KLF13: variants seen among roughly 807,000 people sequenced by gnomAD.
KLF13 encodes KLF transcription factor 13.
Under a neutral mutation model 16.7 loss-of-function variants are expected in KLF13, and 8 were observed. The observed-to-expected ratio is 0.48, with a 90% CI of 0.28 to 0.87. The LOEUF (loss-of-function observed/expected upper bound fraction) is 0.87, where lower values mean the gene tolerates loss of function less well. KLF13 is among the 40% of genes least tolerant of loss of function. The pLI is 0.10. For missense variants in KLF13, 447 were observed against 452.2 expected (o/e 0.99, Z 0.10); for synonymous variants, 245 against 208.4 (o/e 1.18, Z -1.51).
intron 1 of KLF13, among the ~76,000 whole-genome samples, chr15:31,409,875 A>G (rs548290877): frequency 6.6e-5 from 10 of 152,358 alleles, no homozygotes; most frequent in African/African-American, 2.4e-4. Flanking sequence ...AAGAAATGTT[A>G]AAGGAATTTC....
chr15:31,416,059 A>G (rs940473248), intron 1 of KLF13, among the ~76,000 whole-genome samples: 3 of 152,152 alleles, frequency 2.0e-5, no homozygotes, highest in Non-Finnish European at 4.4e-5. Context: ...CCAACAAGTT[A>G]CGTAACAACA....
chr15:31,360,657 C>G (rs2039368698), intron 1 of KLF13, among the ~76,000 whole-genome samples: 1 of 152,056 alleles, frequency 6.6e-6, no homozygotes, highest in Admixed American at 6.5e-5. Context: ...AGCAGAAGCC[C>G]CGGCACTGTT....
chr15:31,368,022 C>T (rs1379016882), intron 1 of KLF13, among the ~76,000 whole-genome samples: 1 of 151,808 alleles, frequency 6.6e-6, no homozygotes, highest in Non-Finnish European at 1.5e-5. Flanking sequence ...CTTTCTCCCC[C>T]TTCTCACTTG....
intron 1 of KLF13, among the ~76,000 whole-genome samples, chr15:31,413,195 AAAAAAAAC>A (rs1358191752): frequency 2.2e-5 from 3 of 137,382 alleles, no homozygotes; most frequent in East Asian, 4.6e-4. Flanking sequence ...GACAAAAAAA[AAAAAAAAC>A]AAAAAACAAA....
intron 1 of KLF13, among the ~76,000 whole-genome samples, chr15:31,415,584 G>A (rs1263481795): frequency 6.6e-6 from 1 of 152,132 alleles, no homozygotes; most frequent in Non-Finnish European, 1.5e-5. Context: ...AAAATAGATT[G>A]ATGTGAGTGA....
chr15:31,403,404 A>G (rs2040069474), intron 2 of KLF13: 1 of 152,212 alleles, frequency 6.6e-6, no homozygotes, highest in Admixed American at 6.5e-5. Flanking sequence ...TCCCATCTTT[A>G]ATAATGAAAC....
intron 1 of KLF13, among the ~76,000 whole-genome samples, chr15:31,364,690 C>T (rs1457435386): frequency 6.6e-6 from 1 of 152,262 alleles, no homozygotes; most frequent in Non-Finnish European, 1.5e-5. Context: ...CAGGCAGGTT[C>T]CAGCTGCGGC....
At chr15:31,354,380 ATTTTTG>A (rs1427387310) in intron 1 of KLF13, among the ~76,000 whole-genome samples, 1 of 151,906 alleles carries the variant, frequency 6.6e-6, no homozygotes, top group African/African-American at 2.4e-5. Context: ...TAGTTTTGTA[ATTTTTG>A]TTTTTGTTTT....
exon 1 of KLF13, chr15:31,393,214 C>T (rs890082978): frequency 1.3e-5 from 2 of 152,404 alleles, no homozygotes; most frequent in African/African-American, 2.4e-5. Context: ...AGCCCCCACC[C>T]TGCTGGGGCT....
intron 1 of KLF13, among the ~76,000 whole-genome samples, chr15:31,345,471 G>T (rs145528781): frequency 1.3e-5 from 2 of 152,214 alleles, no homozygotes. Context: ...ACTGGGGTGC[G>T]GGCAGATCCT....
At chr15:31,433,740 T>C (rs1184858492) in intron 1 of KLF13, among the ~76,000 whole-genome samples, 2 of 152,220 alleles carry the variant, frequency 1.3e-5, no homozygotes, top group African/African-American at 4.8e-5. Flanking sequence ...CCTGAGCCCT[T>C]GGTCTGGAAG....
intron 1 of KLF13, among the ~76,000 whole-genome samples, chr15:31,353,300 C>T (rs1263653288): frequency 1.3e-5 from 2 of 152,174 alleles, no homozygotes; most frequent in African/African-American, 4.8e-5. Flanking sequence ...GTCACGCCCA[C>T]GTTAAGTGCG....
At chr15:31,395,102 C>A (rs1207046839) in intron 2 of KLF13, among the ~76,000 whole-genome samples, 3 of 152,172 alleles carry the variant, frequency 2.0e-5, no homozygotes, top group African/African-American at 7.2e-5. Context: ...GTCTCAGCCT[C>A]CTGAGTAGCT....
At chr15:31,351,020 A>T (rs2039207517) in intron 1 of KLF13, among the ~76,000 whole-genome samples, 1 of 152,224 alleles carries the variant, frequency 6.6e-6, no homozygotes. Flanking sequence ...TCCAGGAACC[A>T]CTTGCTTTGT....
At chr15:31,353,585 C>A (rs936035442) in intron 1 of KLF13, among the ~76,000 whole-genome samples, 8 of 152,256 alleles carry the variant, frequency 5.3e-5, no homozygotes, top group African/African-American at 1.4e-4. Flanking sequence ...TTGTCCTCAG[C>A]TGACCTCAGA....
At chr15:31,413,584 A>G (rs2040222144) in intron 1 of KLF13, among the ~76,000 whole-genome samples, 1 of 152,142 alleles carries the variant, frequency 6.6e-6, no homozygotes, top group African/African-American at 2.4e-5. Flanking sequence ...GTTCAAAGAA[A>G]AAAATCATCA....
In KLF13 at chr15:31,372,610, A is replaced by C; in HGVS notation, c.*311A>C. The C allele has an allele frequency of 2.8e-6, 1 of 361,964 alleles. No homozygotes were observed. Among genetic ancestry groups the C allele is most frequent in the Non-Finnish European group, 4.9e-6 (1 of 202,156 alleles). 22.4% of individuals were successfully genotyped at this position (361,964 alleles called of 1,614,324 possible). A position where few individuals can be genotyped will look rare whatever the true frequency, so the allele number is the denominator to read the frequency against. On this transcript the variant is annotated 3_prime_UTR_variant, in exon 2 of 2. Coordinates refer to ENST00000307145, the MANE Select transcript of KLF13 (RefSeq NM_015995.4). ...CCCTTCCTGCCGCCTTACTCTGTAC[A>C]TAGATTTGCACTCTGGAGTTTTCTG...
intron 1 of KLF13, among the ~76,000 whole-genome samples, chr15:31,424,630 A>G (rs751980249): frequency 6.6e-6 from 1 of 152,146 alleles, no homozygotes; most frequent in East Asian, 1.9e-4. Flanking sequence ...TTATCTGACC[A>G]TATTAAAGTG....
At chr15:31,330,638 C>T (rs1485505393) in intron 1 of KLF13, among the ~76,000 whole-genome samples, 2 of 152,220 alleles carry the variant, frequency 1.3e-5, no homozygotes, top group Non-Finnish European at 2.9e-5. Flanking sequence ...CTCTGAACAG[C>T]TGCATGCTAA....
Sources: gnomAD v4.1 joint callset for allele counts (sites outside exome capture counted in the v4.1 genomes callset) on GRCh38, gnomAD v4.1.1 for gene constraint, MANE v1.5 for transcripts, NCBI Gene and HGNC (gene_info 2026-07-23, HGNC 2026-07-21) for gene names.